Variants in EPYC observed in about 807,000 individuals in gnomAD.
EPYC encodes dermatan sulfate proteoglycan 3.
Under a neutral mutation model 30.1 loss-of-function variants are expected in EPYC, and 28 were observed. That is an observed-to-expected ratio of 0.93 (90% CI 0.69 to 1.28). EPYC has a LOEUF of 1.28. Ranked by LOEUF, EPYC falls within the 50% of genes most tolerant of loss-of-function variation. The pLI is 0.00. For missense variants in EPYC, 382 were observed against 383.5 expected, an observed-to-expected ratio of 1.00 and a Z score of 0.03; for synonymous variants, 144 against 141.4, an observed-to-expected ratio of 1.02 and a Z score of -0.13.
chr12:90,995,750 T>G (rs1877680863), intron 2 of EPYC, among the ~76,000 whole-genome samples: 2 of 152,060 alleles, frequency 1.3e-5, no homozygotes, highest in Admixed American at 6.6e-5. Context: ...TATTTTTTTT[T>G]GCTTAAGTTT....
chr12:90,974,128 T>C (rs1379135242), intron 3 of EPYC, among the ~76,000 whole-genome samples: 1 of 151,036 alleles, frequency 6.6e-6, no homozygotes, highest in Non-Finnish European at 1.5e-5. Flanking sequence ...GAGAGGACAG[T>C]AAACTTCTAA....
intron 2 of EPYC, among the ~76,000 whole-genome samples, chr12:91,001,658 C>T (rs750022655): frequency 2.6e-5 from 4 of 152,096 alleles, no homozygotes; most frequent in Non-Finnish European, 4.4e-5. Flanking sequence ...CACTGTTGAG[C>T]TACAGTGGAG....
intron 1 of EPYC, among the ~76,000 whole-genome samples, chr12:91,002,935 G>T (rs927528334): frequency 6.6e-6 from 1 of 152,072 alleles, no homozygotes; most frequent in African/African-American, 2.4e-5. Flanking sequence ...GGGATATGAA[G>T]TTGAAGATGA....
chr12:90,970,855 G>T (rs1462917435), intron 5 of EPYC, among the ~76,000 whole-genome samples: 1 of 152,198 alleles, frequency 6.6e-6, no homozygotes, highest in Non-Finnish European at 1.5e-5. Flanking sequence ...ATACTGTGGT[G>T]TCTCTCTAAA....
At chr12:90,996,330 G>A (rs1462161360) in intron 2 of EPYC, among the ~76,000 whole-genome samples, 3 of 151,510 alleles carry the variant, frequency 2.0e-5, no homozygotes, top group Non-Finnish European at 3.0e-5. Flanking sequence ...GCAATTTCTG[G>A]TGTTACAGAG....
chr12:90,969,239 G>A lies in EPYC; in HGVS notation c.798+805C>T, dbSNP rs564670884. Among the ~76,000 whole-genome samples the A allele has an allele frequency of 2.0e-5, 3 of 151,886 alleles. No individual in the cohort carries two copies. In the South Asian group the frequency reaches 6.2e-4, roughly 32 times the overall value. ...AAAGATAATGTTAAACTATAATGTT[G>A]TTTCTTTGAGCATGAAATGGGTGTT... On this transcript the variant is annotated intron_variant, in intron 6 of 6. Coordinates refer to ENST00000261172, the MANE Select transcript of EPYC (RefSeq NM_004950.5).
intron 3 of EPYC, among the ~76,000 whole-genome samples, chr12:90,976,461 G>A (rs1233976228): frequency 6.6e-6 from 1 of 151,872 alleles, no homozygotes. Context: ...GAAAACTAAG[G>A]CACAGTAATA....
At chr12:90,989,103 C>A (rs1877520816) in intron 2 of EPYC, among the ~76,000 whole-genome samples, 1 of 151,906 alleles carries the variant, frequency 6.6e-6, no homozygotes, top group South Asian at 2.1e-4. Context: ...AGTTTGCAAA[C>A]CTCCTATATC....
chr12:91,002,395 GA>G lies in EPYC; in HGVS notation c.165+5del, dbSNP rs1877852262. The G allele has an allele frequency of 6.2e-7, 1 of 1,608,892 alleles. No homozygotes were observed. On this transcript the variant is annotated splice_donor_5th_base_variant and intron_variant, in intron 2 of 6. Transcript: ENST00000261172. ...TTAAAGTTTCAAGAGTAGGAGGATCGATTACCTCAACTTTATCAACAGGTAT... is the reference window on the plus strand; with the variant it reads ...TTAAAGTTTCAAGAGTAGGAGGATCGTTACCTCAACTTTATCAACAGGTAT...
chr12:90,996,046 A>G (rs1436891918), intron 2 of EPYC, among the ~76,000 whole-genome samples: 5 of 151,920 alleles, frequency 3.3e-5, no homozygotes, highest in Non-Finnish European at 7.4e-5. Context: ...AATATACTGT[A>G]TAAATTGGCC....
intron 3 of EPYC, among the ~76,000 whole-genome samples, chr12:90,977,137 T>C (rs1025762367): frequency 6.6e-6 from 1 of 152,016 alleles, no homozygotes; most frequent in African/African-American, 2.4e-5. Context: ...AAACTAAGTT[T>C]TGTGTCTACA....
chr12:90,964,163 A>G lies in EPYC; in HGVS notation c.962T>C (p.Leu321Pro). ...MCLPRLPVGS[L>P]V ...GCTAACCATTATCTGAAATTAGACA[A>G]GGCTCCCAACAGGCAGACGAGGTAG... The change falls in exon 7 of 7, where the codon CTT becomes CCT. Residue 321 changes from leucine (L) to proline (P), a missense_variant. By Grantham distance (98) the Leu-to-Pro change is moderately conservative. Transcript: ENST00000261172. 6.2e-7 allele frequency: 1 copy of G among 1,610,794 alleles called. No homozygotes were observed. The highest frequency in any genetic ancestry group is 1.7e-5 in the Admixed American group (1 of 59,888).
chr12:90,978,508 T>C (rs1877249899), intron 2 of EPYC, among the ~76,000 whole-genome samples: 1 of 151,950 alleles, frequency 6.6e-6, no homozygotes, highest in African/African-American at 2.4e-5. Context: ...TTGGTCTTCT[T>C]GTTCTTTAAT....
At chr12:90,998,804 A>C (rs1352066492) in intron 2 of EPYC, among the ~76,000 whole-genome samples, 1 of 152,110 alleles carries the variant, frequency 6.6e-6, no homozygotes, top group Non-Finnish European at 1.5e-5. Flanking sequence ...TCAGAAGTTC[A>C]GGCCTGATCT....
Position 90,964,001 on chromosome 12 carries a change from T to G in EPYC, c.*155A>C. 1 of 501,668 alleles carries G rather than the reference T, an allele frequency of 2.0e-6. No homozygotes were observed. 31.1% of individuals were successfully genotyped at this position (501,668 alleles called of 1,614,324 possible). On this transcript the variant is annotated 3_prime_UTR_variant, in exon 7 of 7. Transcript: ENST00000261172. Reference sequence around the variant, plus strand: ...CTCATCTGGTGTTTTCTTAAATTACTACATTTTCATTATAACATTTTTAAT... The same window carrying G: ...CTCATCTGGTGTTTTCTTAAATTACGACATTTTCATTATAACATTTTTAAT...
intron 5 of EPYC, among the ~76,000 whole-genome samples, chr12:90,971,086 A>C (rs1877031493): frequency 6.6e-6 from 1 of 152,182 alleles, no homozygotes; most frequent in African/African-American, 2.4e-5. Context: ...TTCTGTCTTC[A>C]AGACACTGCC....
At chr12:90,991,776 G>A (rs990387968) in intron 2 of EPYC, among the ~76,000 whole-genome samples, 4 of 152,130 alleles carry the variant, frequency 2.6e-5, no homozygotes, top group Middle Eastern at 6.3e-3. Context: ...CTTAGGCACT[G>A]GGATTTTAAA....
intron 2 of EPYC, among the ~76,000 whole-genome samples, chr12:90,989,527 C>A (rs1034725933): frequency 1.3e-5 from 2 of 151,770 alleles, no homozygotes; most frequent in African/African-American, 2.4e-5. Context: ...TTTTTTAAAT[C>A]TATCCCAATG....
At chr12:90,996,442 T>C (rs1877695239) in intron 2 of EPYC, among the ~76,000 whole-genome samples, 1 of 151,900 alleles carries the variant, frequency 6.6e-6, no homozygotes, top group South Asian at 2.1e-4. Flanking sequence ...TAGGAGTATA[T>C]TGCTTGGTGC....
Sources: allele counts gnomAD v4.1 joint callset (sites outside exome capture counted in the v4.1 genomes callset), GRCh38; gene constraint gnomAD v4.1.1; transcripts MANE v1.5; gene names NCBI Gene and HGNC (gene_info 2026-07-23, HGNC 2026-07-21).